The following PCDHA4 variants were observed in gnomAD, a reference collection of about 807,000 sequenced individuals.
PCDHA4 encodes the protein protocadherin alpha-4.
Under a neutral mutation model 61.4 loss-of-function variants are expected in PCDHA4, and 49 were observed. The ratio of observed to expected loss-of-function variants is 0.80; its 90% CI spans 0.63 to 1.01. The LOEUF (loss-of-function observed/expected upper bound fraction) is 1.01, where lower values mean the gene tolerates loss of function less well. PCDHA4 is among the 50% of genes least tolerant of loss of function. PCDHA4 has a pLI of 0.00. For missense variants in PCDHA4, 1,254 were observed against 1,235.8 expected (o/e 1.01, Z -0.22); for synonymous variants, 590 against 550.3 (o/e 1.07, Z -1.01).
intron 1 of PCDHA4, among the ~76,000 whole-genome samples, chr5:140,978,570 G>C (rs151127662): frequency 6.6e-6 from 1 of 152,196 alleles, no homozygotes; most frequent in Middle Eastern, 3.2e-3. Flanking sequence ...CTGTAATACT[G>C]AATTGGGAAT....
intron 1 of PCDHA4, among the ~76,000 whole-genome samples, chr5:140,895,700 A>G (rs2065117583): frequency 6.6e-6 from 1 of 152,022 alleles, no homozygotes; most frequent in Non-Finnish European, 1.5e-5. Context: ...ATATTAATTC[A>G]CTTGGGATAA....
chr5:140,994,102 A>G (rs2097596379), intron 3 of PCDHA4, among the ~76,000 whole-genome samples: 1 of 152,194 alleles, frequency 6.6e-6, no homozygotes, highest in African/African-American at 2.4e-5. Context: ...TGATGGAAAT[A>G]TTACATTGTC....
At chr5:140,838,892 G>A (rs2150293495) in intron 1 of PCDHA4, among the ~76,000 whole-genome samples, 5 of 151,826 alleles carry the variant, frequency 3.3e-5, no homozygotes, top group Non-Finnish European at 5.9e-5. Context: ...TCCAGCCTAG[G>A]TGACAGAGCA....
chr5:140,883,520 G>A (rs1554178526), intron 1 of PCDHA4: 1 of 1,614,222 alleles, frequency 6.2e-7, no homozygotes, highest in Non-Finnish European at 8.5e-7. Context: ...CCGCGAGAGC[G>A]TATCAGCCTA....
At chr5:140,997,911 C>T (rs2097790216) in intron 3 of PCDHA4, among the ~76,000 whole-genome samples, 1 of 152,120 alleles carries the variant, frequency 6.6e-6, no homozygotes, top group East Asian at 1.9e-4. Context: ...AGTAGAATTA[C>T]AGAATCATAG....
At chr5:140,822,120 T>G in intron 1 of PCDHA4, 1 of 1,614,188 alleles carries the variant, frequency 6.2e-7, no homozygotes, top group Non-Finnish European at 8.5e-7. Context: ...CGCTGCAGGT[T>G]TTCCATGTGG....
rs782433046 is a variant in PCDHA4, at chr5:140,808,275, C to T, written c.1088C>T (p.Ala363Val). 23 of 1,614,138 alleles carry T rather than the reference C, an allele frequency of 1.4e-5. No homozygotes were observed. The Admixed American group carries it at 3.8e-4, about 27-fold the overall frequency. Residue 363 changes from alanine to valine, a missense_variant, in exon 1 of 4, where the codon GCT (alanine) becomes GTT (valine). Transcript: ENST00000530339. ...KSLSLPIRED[A>V]PLGTVIALIS... ...TTATCACTTCCAATTAGAGAGGACG[C>T]TCCACTGGGTACAGTCATCGCCCTG...
chr5:140,883,925 G>T (rs1554180613), intron 1 of PCDHA4: 2 of 1,613,466 alleles, frequency 1.2e-6, no homozygotes, highest in Non-Finnish European at 1.7e-6. Context: ...GACGCTGCAG[G>T]TGTTCGTGCT....
Position 140,932,626 on chromosome 5 carries a change from C to T in PCDHA4, c.2386-46323C>T, listed in dbSNP as rs965543719. 1.2e-4 allele frequency among the ~76,000 whole-genome samples: 18 copies of T among 151,670 alleles called. 1 individual carries two copies. The highest frequency in any genetic ancestry group is 8.9e-5 in the Non-Finnish European group (6 of 67,754). On this transcript the variant is annotated intron_variant, in intron 1 of 3. Coordinates refer to ENST00000530339, the MANE Select transcript of PCDHA4 (RefSeq NM_018907.4). ...TTTGACTTTGAAGCTGATAACCACA[C>T]TAAAAAACTTTAGAATGATGAAACT...
In PCDHA4 at chr5:140,858,243, C is replaced by T. The variant is rs781796341; in HGVS notation, c.2385+48671C>T. On this transcript the variant is annotated intron_variant, in intron 1 of 3. Transcript: ENST00000530339. ...GCGCCCACCGAGGGCGCATGTGGGC[C>T]GGTGAAGCCCACGCTGGTGTGCTCT... The T allele has an allele frequency of 6.9e-6, 11 of 1,595,896 alleles. No homozygotes were observed. The highest frequency in any genetic ancestry group is 6.9e-6 in the Non-Finnish European group (8 of 1,165,828).
chr5:140,841,338 G>A (rs2150313822), intron 1 of PCDHA4: 3 of 1,611,372 alleles, frequency 1.9e-6, no homozygotes, highest in South Asian at 2.2e-5. Flanking sequence ...TATCACTGGC[G>A]AGGAGAGCTG....
intron 3 of PCDHA4, among the ~76,000 whole-genome samples, chr5:140,991,432 C>T (rs2153896288): frequency 6.6e-6 from 1 of 152,310 alleles, no homozygotes; most frequent in Non-Finnish European, 1.5e-5. Flanking sequence ...TAACCATAAA[C>T]TTCATGGCTT....
At chr5:140,927,505 G>T (rs782722913) in intron 1 of PCDHA4, 1 of 1,614,120 alleles carries the variant, frequency 6.2e-7, no homozygotes, top group East Asian at 2.2e-5. Flanking sequence ...GGTGCTTACA[G>T]CTCGGGACGG....
intron 3 of PCDHA4, among the ~76,000 whole-genome samples, chr5:140,999,763 T>C (rs1475737646): frequency 2.0e-5 from 3 of 152,200 alleles, no homozygotes; most frequent in African/African-American, 7.2e-5. Flanking sequence ...ACATGATGTC[T>C]TTATACTCTT....
chr5:140,998,743 T>A (rs2097832293), intron 3 of PCDHA4, among the ~76,000 whole-genome samples: 1 of 152,138 alleles, frequency 6.6e-6, no homozygotes, highest in Non-Finnish European at 1.5e-5. Flanking sequence ...TTTGTATTTT[T>A]AGAAGAGACA....
Position 141,009,998 on chromosome 5 carries a change from T to A in PCDHA4, c.*61T>A. On this transcript the variant is annotated 3_prime_UTR_variant, in exon 4 of 4. Transcript: ENST00000530339. ...TTGTAATAATGGCAAATCTCTCCCA[T>A]GTAGCAATTCCCTGCTCCTTTTTCC... 1 of 1,575,994 alleles carries A rather than the reference T, an allele frequency of 6.3e-7. No individual in the cohort carries two copies. Among genetic ancestry groups the A allele is most frequent in the Non-Finnish European group, 8.6e-7 (1 of 1,164,944 alleles).
At chr5:140,830,282 G>A (rs1554132701) in intron 1 of PCDHA4, 1 of 1,613,704 alleles carries the variant, frequency 6.2e-7, no homozygotes, top group African/African-American at 1.3e-5. Flanking sequence ...CACCGAGGGC[G>A]CGTGCACGGC....
At chr5:140,875,221 A>G (rs2055359390) in intron 1 of PCDHA4, 3 of 759,332 alleles carry the variant, frequency 4.0e-6, no homozygotes, top group South Asian at 3.3e-5. Flanking sequence ...AAAGAACCTC[A>G]GGATCTTTCT....
intron 1 of PCDHA4, chr5:140,927,597 C>T (rs781933372): frequency 1.2e-6 from 2 of 1,614,200 alleles, no homozygotes; most frequent in South Asian, 1.1e-5. Context: ...TATTTGAGCG[C>T]TCCGTATACC....
Sources: allele counts gnomAD v4.1 joint callset (sites outside exome capture counted in the v4.1 genomes callset), GRCh38; gene constraint gnomAD v4.1.1; transcripts MANE v1.5; gene names NCBI Gene and HGNC (gene_info 2026-07-23, HGNC 2026-07-21).